MITF: variants seen among roughly 807,000 people sequenced by gnomAD.
MITF encodes microphthalmia-associated transcription factor.
Under a neutral mutation model 60.5 loss-of-function variants are expected in MITF, and 17 were observed. The ratio of observed to expected loss-of-function variants is 0.28; its 90% CI spans 0.19 to 0.42. MITF has a LOEUF of 0.42. MITF is among the 10% of genes least tolerant of loss of function. The pLI, the probability that MITF is intolerant of heterozygous loss-of-function variation, is 1.00. For missense variants in MITF, 622 were observed against 683.5 expected (o/e 0.91, Z 1.00); for synonymous variants, 260 against 248.5 (o/e 1.05, Z -0.43).
At chr3:69,865,728 G>C (rs970758396) in intron 1 of MITF, among the ~76,000 whole-genome samples, 6 of 152,110 alleles carry the variant, frequency 3.9e-5, no homozygotes, top group African/African-American at 1.4e-4. Flanking sequence ...TAGCCTGTCA[G>C]CAAGGAGGGC....
rs1576076828 is a variant in MITF, at chr3:69,967,601, A to G, written c.*2353A>G. On this transcript the variant is annotated 3_prime_UTR_variant, in exon 10 of 10. Coordinates refer to ENST00000352241, the MANE Select transcript of MITF (RefSeq NM_001354604.2). ...CTTGTACCACTGCCCTGACTGTCAC[A>G]ACTCCTAACCTTGCCATTGCCTGCC... 3 of 233,350 alleles carry G rather than the reference A, an allele frequency of 1.3e-5. No individual in the cohort carries two copies. Among genetic ancestry groups the G allele is most frequent in the East Asian group, 1.2e-4 (2 of 16,596 alleles). 14.5% of individuals were successfully genotyped at this position (233,350 alleles called of 1,614,324 possible). A position where few individuals can be genotyped will look rare whatever the true frequency, so the allele number is the denominator to read the frequency against.
At chr3:69,765,394 A>G (rs1297813662) in intron 1 of MITF, among the ~76,000 whole-genome samples, 2 of 152,236 alleles carry the variant, frequency 1.3e-5, no homozygotes, top group African/African-American at 2.4e-5. Flanking sequence ...TTGAAAAGTC[A>G]TATGTTTATT....
chr3:69,860,742 T>A (rs116082010), intron 1 of MITF, among the ~76,000 whole-genome samples: 12 of 152,248 alleles, frequency 7.9e-5, no homozygotes, highest in African/African-American at 2.9e-4. Flanking sequence ...TGTATAAATA[T>A]CTTAACCATT....
At chr3:69,837,843 T>C (rs988577473) in intron 1 of MITF, among the ~76,000 whole-genome samples, 3 of 152,240 alleles carry the variant, frequency 2.0e-5, no homozygotes, top group African/African-American at 7.2e-5. Flanking sequence ...ATACTGTATA[T>C]GATCTCTATT....
At chr3:69,845,144 A>C (rs1161675227) in intron 1 of MITF, among the ~76,000 whole-genome samples, 2 of 151,838 alleles carry the variant, frequency 1.3e-5, no homozygotes, top group Non-Finnish European at 2.9e-5. Flanking sequence ...CCTTCATTCT[A>C]TTTTCTTCAT....
At chr3:69,925,110 ATTAT>A (rs2065556305) in intron 2 of MITF, among the ~76,000 whole-genome samples, 1 of 152,230 alleles carries the variant, frequency 6.6e-6, no homozygotes, top group East Asian at 1.9e-4. Flanking sequence ...CATAGAGAAC[ATTAT>A]TTATTTACTG....
intron 2 of MITF, among the ~76,000 whole-genome samples, chr3:69,912,147 G>A (rs79480929): frequency 0.015 from 2,356 of 152,304 alleles, 29 homozygotes; most frequent in Middle Eastern, 0.051. Flanking sequence ...TCAAGCACAT[G>A]TATGGTCAAC....
At chr3:69,931,572 T>G (rs555167397) in intron 2 of MITF, among the ~76,000 whole-genome samples, 1 of 152,278 alleles carries the variant, frequency 6.6e-6, no homozygotes, top group South Asian at 2.1e-4. Flanking sequence ...ACATCAAATT[T>G]TCAGAAAAGT....
chr3:69,859,458 C>T (rs2063974423), intron 1 of MITF, among the ~76,000 whole-genome samples: 1 of 152,190 alleles, frequency 6.6e-6, no homozygotes, highest in Admixed American at 6.5e-5. Flanking sequence ...TCTTCTGGCT[C>T]CTCCTTGGAC....
At chr3:69,836,050 G>T (rs2063535213) in intron 1 of MITF, among the ~76,000 whole-genome samples, 1 of 151,996 alleles carries the variant, frequency 6.6e-6, no homozygotes, top group Non-Finnish European at 1.5e-5. Flanking sequence ...TAAAGCTATA[G>T]ATTGGTTTGG....
chr3:69,838,417 C>T (rs1024911200), intron 1 of MITF, among the ~76,000 whole-genome samples: 11 of 151,878 alleles, frequency 7.2e-5, no homozygotes, highest in Middle Eastern at 6.8e-3. Context: ...TTATTAGTGA[C>T]GGATTTGGCA....
intron 1 of MITF, among the ~76,000 whole-genome samples, chr3:69,759,514 G>A (rs754435505): frequency 2.6e-5 from 4 of 152,218 alleles, no homozygotes; most frequent in South Asian, 2.1e-4. Flanking sequence ...TTCTGTGCAC[G>A]TGATTGACTG....
At chr3:69,807,000 C>T (rs114039031) in intron 1 of MITF, among the ~76,000 whole-genome samples, 388 of 152,244 alleles carry the variant, frequency 2.5e-3, no homozygotes, top group African/African-American at 9.0e-3. Context: ...TGTCTAGTTC[C>T]CTGTTGAAGA....
At chr3:69,755,918 C>T (rs1305970510) in intron 1 of MITF, among the ~76,000 whole-genome samples, 3 of 152,162 alleles carry the variant, frequency 2.0e-5, no homozygotes, top group Non-Finnish European at 4.4e-5. Flanking sequence ...CTGTTTTGTG[C>T]TACTACTGGT....
At chr3:69,864,380 A>G (rs2064072807) in intron 1 of MITF, among the ~76,000 whole-genome samples, 1 of 152,236 alleles carries the variant, frequency 6.6e-6, no homozygotes, top group Admixed American at 6.5e-5. Context: ...TACCTGGTAC[A>G]GTACCTGGCA....
At chr3:69,812,807 A>G (rs921315986) in intron 1 of MITF, among the ~76,000 whole-genome samples, 2 of 152,134 alleles carry the variant, frequency 1.3e-5, no homozygotes, top group Non-Finnish European at 2.9e-5. Flanking sequence ...TCTTGTCCTC[A>G]CTTGGCATAT....
rs539241667 is a variant in MITF, at chr3:69,806,098, T to C, written c.104+66397T>C. Among the ~76,000 whole-genome samples, 169 of 152,048 alleles carry C rather than the reference T, an allele frequency of 1.1e-3. 1 individual carries two copies. Among genetic ancestry groups the C allele is most frequent in the Non-Finnish European group, 1.2e-3 (84 of 67,978 alleles). ...TGTTAGCAGAGCCAATTTTTTTTTT[T>C]TTTTGAGACAGAATCTCACTCTGTC... On this transcript the variant is annotated intron_variant, in intron 1 of 9. Transcript: ENST00000352241.
intron 1 of MITF, among the ~76,000 whole-genome samples, chr3:69,802,425 A>G (rs2062936239): frequency 6.6e-6 from 1 of 152,156 alleles, no homozygotes; most frequent in African/African-American, 2.4e-5. Context: ...CCATTCCTTC[A>G]TGAAAATCCA....
intron 2 of MITF, among the ~76,000 whole-genome samples, chr3:69,917,121 C>T (rs1292016266): frequency 6.6e-6 from 1 of 152,122 alleles, no homozygotes; most frequent in African/African-American, 2.4e-5. Flanking sequence ...TCTGACCTGA[C>T]ATTTAGAGGC....
Sources: allele counts gnomAD v4.1 joint callset (sites outside exome capture counted in the v4.1 genomes callset), GRCh38; gene constraint gnomAD v4.1.1; transcripts MANE v1.5; gene names NCBI Gene and HGNC (gene_info 2026-07-23, HGNC 2026-07-21).